Variants in ATE1 observed in about 807,000 individuals in gnomAD.
ATE1 encodes arginyl-tRNA--protein transferase 1.
ATE1 carries 36 observed loss-of-function variants against 70.5 expected under a neutral mutation model. The observed-to-expected ratio is 0.51, with a 90% CI of 0.39 to 0.67. The LOEUF is 0.67. ATE1 is among the 30% of genes least tolerant of loss of function. The probability of loss-of-function intolerance (pLI) is 0.00; values close to 1 mark genes in which losing one functional copy is unlikely to be tolerated. For synonymous variants in ATE1, 232 were observed against 219.3 expected, an observed-to-expected ratio of 1.06 and a Z score of -0.51; for missense variants, 593 against 629.5, an observed-to-expected ratio of 0.94 and a Z score of 0.62.
chr10:121,858,670 A>AATATATATTTTATATATATAAT (rs1301159614), intron 8 of ATE1, among the ~76,000 whole-genome samples: 2 of 136,664 alleles, frequency 1.5e-5, no homozygotes, highest in East Asian at 3.9e-4. Flanking sequence ...ATATATATAT[A>AATATATATTTTATATATATAAT]ATATATATAT....
At chr10:121,751,320 C>T (rs982194693) in intron 11 of ATE1, among the ~76,000 whole-genome samples, 4 of 152,202 alleles carry the variant, frequency 2.6e-5, no homozygotes, top group African/African-American at 4.8e-5. Flanking sequence ...AAACCAAGGA[C>T]TTACAGTGTA....
rs1026735017 is a variant in ATE1 at position 121,772,247 on chromosome 10, G to A, written c.1378+17922C>T. 3.9e-5 allele frequency among the ~76,000 whole-genome samples: 6 copies of A among 152,116 alleles called. 1 individual carries two copies. Among genetic ancestry groups the A allele is most frequent in the South Asian group, 4.1e-4 (2 of 4,826 alleles). ...GACAAGCTACAGAAGACATCTGCAGGGCCAACTACCCGCTTTTATCAACTT... is the reference window on the plus strand; with the variant it reads ...GACAAGCTACAGAAGACATCTGCAGAGCCAACTACCCGCTTTTATCAACTT... On this transcript the variant is annotated intron_variant, in intron 11 of 11. Coordinates refer to ENST00000224652, the MANE Select transcript of ATE1 (RefSeq NM_001001976.3).
intron 10 of ATE1, among the ~76,000 whole-genome samples, chr10:121,816,309 G>A (rs530683549): frequency 1.3e-5 from 2 of 152,232 alleles, no homozygotes; most frequent in African/African-American, 4.8e-5. Context: ...TATTTAATCA[G>A]ATACTGCTAT....
chr10:121,922,910 C>G (rs1008113266), intron 2 of ATE1, among the ~76,000 whole-genome samples: 1 of 152,180 alleles, frequency 6.6e-6, no homozygotes, highest in African/African-American at 2.4e-5. Flanking sequence ...TCATTTTAAA[C>G]TCCTCCCTGG....
intron 11 of ATE1, among the ~76,000 whole-genome samples, chr10:121,750,868 G>A (rs548373331): frequency 4.6e-5 from 7 of 152,216 alleles, no homozygotes; most frequent in Admixed American, 6.5e-5. Context: ...GAATGACAGC[G>A]GAAGAAATAC....
intron 10 of ATE1, among the ~76,000 whole-genome samples, chr10:121,818,708 G>C (rs1397092297): frequency 6.6e-6 from 1 of 152,168 alleles, no homozygotes; most frequent in African/African-American, 2.4e-5. Context: ...TGTGAGGCAG[G>C]GAGCTTTAAG....
intron 10 of ATE1, among the ~76,000 whole-genome samples, chr10:121,816,987 A>G (rs1360709127): frequency 1.3e-5 from 2 of 152,212 alleles, no homozygotes; most frequent in Non-Finnish European, 1.5e-5. Context: ...TCTACTGTTC[A>G]TTTATCTGAC....
intron 10 of ATE1, among the ~76,000 whole-genome samples, chr10:121,835,486 G>A (rs928129561): frequency 8.6e-6 from 1 of 116,054 alleles, no homozygotes; most frequent in African/African-American, 3.2e-5. Flanking sequence ...AAAAGGCTGG[G>A]GGAGGGGGGT....
chr10:121,925,905 T>A (rs77100693), intron 1 of ATE1, among the ~76,000 whole-genome samples: 2 of 143,414 alleles, frequency 1.4e-5, no homozygotes, highest in African/African-American at 5.2e-5. Flanking sequence ...AAAAAAAAAT[T>A]AAAGTTAAAA....
intron 3 of ATE1, 50 bp downstream of exon 3, chr10:121,922,299 T>C: frequency 3.1e-6 from 4 of 1,288,134 alleles, no homozygotes; most frequent in East Asian, 2.4e-5. Flanking sequence ...TAAAATATTA[T>C]ACACAATCTT....
chr10:121,829,674 A>C (rs1167623857), intron 10 of ATE1, among the ~76,000 whole-genome samples: 2 of 151,594 alleles, frequency 1.3e-5, no homozygotes, highest in Non-Finnish European at 1.5e-5. Context: ...ATGCCACTGC[A>C]CTCCAGCCTG....
rs531284397 is a variant in ATE1 at position 121,877,347 on chromosome 10, G to A, written c.943-7309C>T. ...ACTAAGGCCGAAATTTTATACAAGAGAAATCTTTACATCTGTTGCTGACAT... is the reference window on the plus strand; with the variant it reads ...ACTAAGGCCGAAATTTTATACAAGAAAAATCTTTACATCTGTTGCTGACAT... On this transcript the variant is annotated intron_variant, in intron 7 of 11. Transcript: ENST00000224652. Among the ~76,000 whole-genome samples the A allele has an allele frequency of 5.3e-5, 8 of 152,250 alleles. No homozygotes were observed. The East Asian group carries it at 1.5e-3, about 29-fold the overall frequency.
chr10:121,856,660 G>A (rs1202589317), intron 8 of ATE1, among the ~76,000 whole-genome samples: 14 of 152,210 alleles, frequency 9.2e-5, no homozygotes, highest in African/African-American at 3.4e-4. Context: ...TTTACACTAT[G>A]CTGTAGTCTA....
chr10:121,907,356 T>G (rs1951236779), intron 5 of ATE1, among the ~76,000 whole-genome samples: 2 of 152,074 alleles, frequency 1.3e-5, no homozygotes, highest in East Asian at 3.9e-4. Context: ...TCCCAGCTAC[T>G]CATGAGGCTG....
At chr10:121,753,442 AT>A (rs1162255562) in intron 11 of ATE1, among the ~76,000 whole-genome samples, 17 of 152,354 alleles carry the variant, frequency 1.1e-4, no homozygotes, top group African/African-American at 3.4e-4. Flanking sequence ...AAATTATATA[AT>A]TTATCAAGAT....
intron 7 of ATE1, among the ~76,000 whole-genome samples, chr10:121,875,308 GTT>G (rs869073193): frequency 8.0e-5 from 1 of 12,536 alleles, no homozygotes. Flanking sequence ...GTTTTTTTTT[GTT>G]TTTTTTTTTT....
chr10:121,839,248 C>T (rs1948541355), intron 9 of ATE1, among the ~76,000 whole-genome samples: 1 of 152,172 alleles, frequency 6.6e-6, no homozygotes, highest in African/African-American at 2.4e-5. Flanking sequence ...CAATAGAACT[C>T]TTGCTAATTT....
chr10:121,878,301 GT>G (rs1238701067), intron 7 of ATE1, among the ~76,000 whole-genome samples: 1 of 152,074 alleles, frequency 6.6e-6, no homozygotes, highest in Non-Finnish European at 1.5e-5. Flanking sequence ...ATATACATAA[GT>G]AAAAATTTGG....
Position 121,833,211 on chromosome 10 carries a change from T to C in ATE1, c.1257+3507A>G, listed in dbSNP as rs144302776. On this transcript the variant is annotated intron_variant, in intron 10 of 11. Transcript: ENST00000224652. ...CAAAGATAATCAGTCACAATACCTA[T>C]CACATTCTGTTAGAACTGCGTATCT... 5.3e-5 allele frequency among the ~76,000 whole-genome samples: 8 copies of C among 152,092 alleles called. No individual in the cohort carries two copies. In the East Asian group the frequency reaches 1.5e-3, roughly 29 times the overall value.
Sources: allele counts gnomAD v4.1 joint callset (sites outside exome capture counted in the v4.1 genomes callset), GRCh38; gene constraint gnomAD v4.1.1; transcripts MANE v1.5; gene names NCBI Gene and HGNC (gene_info 2026-07-23, HGNC 2026-07-21).